ADTRP: variants seen among roughly 807,000 people sequenced by gnomAD.
ADTRP encodes androgen-dependent TFPI-regulating protein.
A neutral mutation model predicts 27.0 loss-of-function variants in ADTRP; 20 were observed. The ratio of observed to expected loss-of-function variants is 0.74; its 90% CI spans 0.52 to 1.08. The LOEUF (loss-of-function observed/expected upper bound fraction) is 1.08. Among genes scored for constraint, ADTRP ranks in the 50% least tolerant of loss-of-function variants. ADTRP has a pLI of 0.00. For missense variants in ADTRP, 251 were observed against 275.0 expected (o/e 0.91, Z 0.62); for synonymous variants, 101 against 105.2 (o/e 0.96, Z 0.25).
intron 3 of ADTRP, among the ~76,000 whole-genome samples, chr6:11,748,999 C>T (rs1252386338): frequency 6.6e-6 from 1 of 152,186 alleles, no homozygotes; most frequent in African/African-American, 2.4e-5. Context: ...TAACATTTTG[C>T]AATCGATTTT....
chr6:11,714,368 C>G lies in ADTRP; in HGVS notation c.*110G>C. On this transcript the variant is annotated 3_prime_UTR_variant, in exon 6 of 6. Transcript: ENST00000414691. ...AATTTAAGTATCACTCTCTGTCCCT[C>G]CTACTTTGCTATGTTCCTCCACCAC... 8.0e-7 allele frequency: 1 copy of G among 1,250,260 alleles called. No individual in the cohort carries two copies. 77.4% of individuals were successfully genotyped at this position (1,250,260 alleles called of 1,614,324 possible). A position where few individuals can be genotyped will look rare whatever the true frequency, so the allele number is the denominator to read the frequency against.
chr6:11,775,281 T>C (rs1763916013), intron 1 of ADTRP, among the ~76,000 whole-genome samples: 1 of 152,086 alleles, frequency 6.6e-6, no homozygotes, highest in South Asian at 2.1e-4. Flanking sequence ...CCCCATCTTC[T>C]CTCCCCACTG....
At chr6:11,744,762 T>A (rs1453556911) in intron 3 of ADTRP, among the ~76,000 whole-genome samples, 1 of 152,178 alleles carries the variant, frequency 6.6e-6, no homozygotes, top group Admixed American at 6.5e-5. Flanking sequence ...CTGCTCCAAG[T>A]TGGAGGAAGG....
intron 3 of ADTRP, among the ~76,000 whole-genome samples, chr6:11,737,419 A>T (rs905339591): frequency 1.2e-4 from 19 of 152,150 alleles, no homozygotes; most frequent in African/African-American, 4.6e-4. Context: ...TCCCATGCCC[A>T]GCAGTGCAGC....
intron 3 of ADTRP, among the ~76,000 whole-genome samples, chr6:11,755,975 T>C (rs1349246935): frequency 6.6e-6 from 1 of 152,208 alleles, no homozygotes; most frequent in Non-Finnish European, 1.5e-5. Context: ...TAGACTCACA[T>C]GAGAAGTTAT....
At chr6:11,735,726 G>C (rs1016124013) in intron 3 of ADTRP, 43 bp from the exon 4 acceptor site, 1 of 1,390,094 alleles carries the variant, frequency 7.2e-7, no homozygotes, top group African/African-American at 1.4e-5. Context: ...AGGGTGTCCA[G>C]GGTGCCTACA....
At chr6:11,742,299 A>G (rs1762744284) in intron 3 of ADTRP, among the ~76,000 whole-genome samples, 1 of 151,764 alleles carries the variant, frequency 6.6e-6, no homozygotes, top group African/African-American at 2.4e-5. Context: ...CTTCTCTAGT[A>G]TTCTTCCCTT....
intron 1 of ADTRP, chr6:11,770,019 G>A: frequency 1.9e-6 from 3 of 1,551,626 alleles, no homozygotes; most frequent in Non-Finnish European, 2.6e-6. Flanking sequence ...TTTTACAAAC[G>A]AGGAAACAAA....
intron 4 of ADTRP, among the ~76,000 whole-genome samples, chr6:11,725,565 C>G (rs1171152478): frequency 6.6e-6 from 1 of 152,058 alleles, no homozygotes; most frequent in Non-Finnish European, 1.5e-5. Flanking sequence ...AAATTGGAAC[C>G]CTTGTTCATT....
chr6:11,766,139 C>A (rs1763563631), intron 3 of ADTRP, 135 bp downstream of exon 3: 3 of 585,042 alleles, frequency 5.1e-6, no homozygotes, highest in Non-Finnish European at 8.9e-6. Flanking sequence ...CTTCAATATG[C>A]CCTTTAAATA....
At chr6:11,778,522 T>C in intron 1 of ADTRP, 85 bp downstream of exon 1, 1 of 1,447,942 alleles carries the variant, frequency 6.9e-7, no homozygotes, top group Admixed American at 2.3e-5. Context: ...AATTGTGTAT[T>C]TAATAAAATC....
chr6:11,767,985 T>C (rs1763630273), intron 2 of ADTRP, among the ~76,000 whole-genome samples: 1 of 152,184 alleles, frequency 6.6e-6, no homozygotes, highest in South Asian at 2.1e-4. Context: ...AAGAAAGGTC[T>C]TTCAAACTTC....
intron 3 of ADTRP, among the ~76,000 whole-genome samples, chr6:11,738,248 C>T (rs904207107): frequency 2.0e-5 from 3 of 152,104 alleles, no homozygotes; most frequent in Non-Finnish European, 2.9e-5. Context: ...TGAACCCTGG[C>T]CTGTGGTCTG....
chr6:11,775,909 C>G (rs1763942704), intron 1 of ADTRP, among the ~76,000 whole-genome samples: 1 of 152,198 alleles, frequency 6.6e-6, no homozygotes, highest in Admixed American at 6.5e-5. Flanking sequence ...TGGATACTAA[C>G]TTCCCCAAGG....
intron 1 of ADTRP, among the ~76,000 whole-genome samples, chr6:11,775,749 A>G (rs1763934833): frequency 6.6e-6 from 1 of 152,110 alleles, no homozygotes; most frequent in African/African-American, 2.4e-5. Flanking sequence ...GTCCCCTGGG[A>G]TAGCTTCAAG....
At chr6:11,746,483 T>C (rs73361764) in intron 3 of ADTRP, among the ~76,000 whole-genome samples, 2,098 of 152,238 alleles carry the variant, frequency 0.014, 57 homozygotes, top group African/African-American at 0.047. Flanking sequence ...TTCTACCTAG[T>C]AGCAAGCCTT....
chr6:11,724,057 T>C (rs1292066646), intron 4 of ADTRP, among the ~76,000 whole-genome samples: 1 of 120,818 alleles, frequency 8.3e-6, no homozygotes, highest in Non-Finnish European at 1.8e-5. Context: ...TGAAACTTTG[T>C]CTCAAAAACA....
At chr6:11,725,265 T>C (rs1018098869) in intron 4 of ADTRP, among the ~76,000 whole-genome samples, 1 of 152,196 alleles carries the variant, frequency 6.6e-6, no homozygotes, top group African/African-American at 2.4e-5. Context: ...ATATTTCTAA[T>C]CATATCTCTA....
intron 3 of ADTRP, 57 bp downstream of exon 3, chr6:11,766,217 G>T: frequency 7.5e-7 from 1 of 1,327,666 alleles, no homozygotes; most frequent in Non-Finnish European, 1.1e-6. Context: ...GCACTGTGGA[G>T]TTTTCAGTAC....
Sources: allele counts gnomAD v4.1 joint callset (sites outside exome capture counted in the v4.1 genomes callset), GRCh38; gene constraint gnomAD v4.1.1; transcripts MANE v1.5; gene names NCBI Gene and HGNC (gene_info 2026-07-23, HGNC 2026-07-21).